MPRIP: variants seen among roughly 807,000 people sequenced by gnomAD.
MPRIP encodes the protein myosin phosphatase Rho interacting protein, also known as myosin phosphatase Rho-interacting protein.
MPRIP carries 59 observed loss-of-function variants against 234.9 expected under a neutral mutation model. The observed-to-expected ratio is 0.25, with a 90% CI of 0.20 to 0.31. MPRIP has a LOEUF of 0.31. Among genes scored for constraint, MPRIP ranks in the 10% least tolerant of loss-of-function variants. The pLI, the probability that MPRIP is intolerant of heterozygous loss-of-function variation, is 1.00. For synonymous variants in MPRIP, 1,144 were observed against 1,263.9 expected (o/e 0.91, Z 2.01); for missense variants, 2,436 against 3,071.0 (o/e 0.79, Z 4.89).
intron 2 of MPRIP, 62 bp downstream of exon 2, chr17:17,075,849 C>A: frequency 6.7e-7 from 1 of 1,501,126 alleles, no homozygotes; most frequent in Non-Finnish European, 9.3e-7. Flanking sequence ...TAAGGGTGAA[C>A]TGGCAGAGTG....
At chr17:17,085,260 C>G (rs1039615049) in intron 3 of MPRIP, among the ~76,000 whole-genome samples, 10 of 152,176 alleles carry the variant, frequency 6.6e-5, no homozygotes, top group Non-Finnish European at 1.3e-4. Flanking sequence ...CTTTCCTCCT[C>G]TGCTCAGCTG....
At chr17:17,066,787 T>C (rs1320377685) in intron 1 of MPRIP, among the ~76,000 whole-genome samples, 5 of 134,728 alleles carry the variant, frequency 3.7e-5, no homozygotes, top group Non-Finnish European at 7.7e-5. Context: ...TGTCTTGCCC[T>C]GCCCTGTTGC....
chr17:17,078,800 G>T lies in MPRIP; in HGVS notation c.267+724G>T, dbSNP rs2089395402. Among the ~76,000 whole-genome samples the T allele has an allele frequency of 6.6e-6, 1 of 152,188 alleles. No individual in the cohort carries two copies. The highest frequency in any genetic ancestry group is 2.1e-4 in the South Asian group (1 of 4,828). On this transcript the variant is annotated intron_variant, in intron 3 of 23. Coordinates refer to ENST00000651222, the MANE Select transcript of MPRIP (RefSeq NM_001364716.4). This position sits in a 1 kb window ranked among gnomAD's most constrained non-coding sequence, Gnocchi z 4.3. ...ATTAGTCTCTCCTAATTAATCTAAA[G>T]TAGGACTGCATTCCAAACTTTGTAA...
intron 12 of MPRIP, 52 bp downstream of exon 12, chr17:17,150,285 G>A (rs1474060337): frequency 2.1e-5 from 29 of 1,377,732 alleles, no homozygotes; most frequent in Non-Finnish European, 2.9e-5. Flanking sequence ...AGGGATGCAT[G>A]TCAGAGTGCC....
intron 1 of MPRIP, among the ~76,000 whole-genome samples, chr17:17,063,835 C>T (rs562193917): frequency 2.0e-5 from 3 of 152,338 alleles, no homozygotes; most frequent in Non-Finnish European, 2.9e-5. Context: ...ACGTCTGAGA[C>T]GCATCAGTGG....
intron 3 of MPRIP, among the ~76,000 whole-genome samples, chr17:17,083,061 G>A (rs925814299): frequency 3.9e-5 from 6 of 152,218 alleles, no homozygotes; most frequent in Non-Finnish European, 7.3e-5. Context: ...GCTGAGGGCC[G>A]GCCTCCATGG....
In MPRIP at chr17:17,175,814, A is replaced by G. The variant is rs115083956; in HGVS notation, c.6870+402A>G. Among the ~76,000 whole-genome samples, 47 of 152,260 alleles carry G rather than the reference A, an allele frequency of 3.1e-4. 1 individual carries two copies. Among genetic ancestry groups the G allele is most frequent in the Non-Finnish European group, 5.9e-4 (40 of 68,046 alleles). On this transcript the variant is annotated intron_variant, in intron 20 of 23. Coordinates refer to ENST00000651222, the MANE Select transcript of MPRIP (RefSeq NM_001364716.4). ...AGGGTGTCCTTTTAGGAAGGCACTT[A>G]GATTTCTCCACATTCAATTAAAATT... is the stretch of plus-strand genomic sequence containing the variant.
At chr17:17,140,116 G>A (rs2090782152) in intron 7 of MPRIP, among the ~76,000 whole-genome samples, 2 of 152,192 alleles carry the variant, frequency 1.3e-5, no homozygotes, top group African/African-American at 4.8e-5. Flanking sequence ...CTAGAGAGAG[G>A]AGGAGGCCAG....
chr17:17,179,042 G>T (rs989710441), intron 22 of MPRIP, among the ~76,000 whole-genome samples: 1 of 152,218 alleles, frequency 6.6e-6, no homozygotes, highest in Non-Finnish European at 1.5e-5. Context: ...GAGGGCGGGC[G>T]TGGTGGCACC....
In MPRIP at chr17:17,185,421, A is replaced by G. The variant is rs879299997; in HGVS notation, c.*527A>G. The G allele has an allele frequency of 6.8e-6, 3 of 440,894 alleles. No homozygotes were observed. The highest frequency in any genetic ancestry group is 2.0e-5 in the African/African-American group (1 of 49,702). The allele number at this position is 440,894 out of a possible 1,614,324, so 27.3% of individuals were successfully genotyped here. On this transcript the variant is annotated 3_prime_UTR_variant, in exon 24 of 24. Coordinates refer to ENST00000651222, the MANE Select transcript of MPRIP (RefSeq NM_001364716.4). ...GTGCACTGCCTTCCAGCCCAGGAGGAGGACAGCATTTTGTATTTGTTCCAC... is the reference window on the plus strand; with the variant it reads ...GTGCACTGCCTTCCAGCCCAGGAGGGGGACAGCATTTTGTATTTGTTCCAC...
At chr17:17,182,246 C>G (rs2046387875) in intron 23 of MPRIP, 1 of 152,190 alleles carries the variant, frequency 6.6e-6, no homozygotes, top group African/African-American at 2.4e-5. Flanking sequence ...GATGTGGCAT[C>G]TGATGTGCAC....
At position 17,184,867 on chromosome 17, in the gene MPRIP, T is replaced by C. The variant is rs200807995; in HGVS notation, c.7251T>C (p.Phe2417=). The C allele has an allele frequency of 1.2e-6, 2 of 1,612,988 alleles. No individual in the cohort carries two copies. Among genetic ancestry groups the C allele is most frequent in the Admixed American group, 3.3e-5 (2 of 59,974 alleles). ...CGGTGCAAGAACGGTTGAAGCTCTTTGAATCCAGGGACTTGAAGAAAGACT... is the reference window on the plus strand; with the variant it reads ...CGGTGCAAGAACGGTTGAAGCTCTTCGAATCCAGGGACTTGAAGAAAGACT... ...GLTVQERLKL[F]ESRDLKKD Residue 2417 remains phenylalanine (F), a synonymous_variant, in exon 24 of 24, where the codon TTT becomes TTC. Coordinates refer to ENST00000651222, the MANE Select transcript of MPRIP (RefSeq NM_001364716.4).
At chr17:17,044,950 C>G (rs2088297110) in intron 1 of MPRIP, among the ~76,000 whole-genome samples, 1 of 152,152 alleles carries the variant, frequency 6.6e-6, no homozygotes, top group African/African-American at 2.4e-5. Flanking sequence ...TGGGATCTTT[C>G]AGGAAGAAAC....
At chr17:17,050,423 G>A (rs1003008202) in intron 1 of MPRIP, among the ~76,000 whole-genome samples, 4 of 151,716 alleles carry the variant, frequency 2.6e-5, no homozygotes, top group East Asian at 1.9e-4. Flanking sequence ...TATGACGTGC[G>A]CATTTTACGT....
intron 5 of MPRIP, 81 bp downstream of exon 5, chr17:17,131,782 G>T: frequency 7.7e-7 from 1 of 1,305,498 alleles, no homozygotes; most frequent in Admixed American, 1.8e-5. Context: ...GAGGTTAGAG[G>T]GTGAGGACAC....
intron 22 of MPRIP, among the ~76,000 whole-genome samples, chr17:17,177,737 G>A (rs950678735): frequency 5.3e-5 from 8 of 152,144 alleles, no homozygotes; most frequent in African/African-American, 1.9e-4. Context: ...CTTGATCCTA[G>A]GATTTGACTA....
chr17:17,115,536 A>G (rs149856040), intron 3 of MPRIP, among the ~76,000 whole-genome samples: 56 of 152,236 alleles, frequency 3.7e-4, no homozygotes, highest in African/African-American at 1.3e-3. Flanking sequence ...TTATCTGTGC[A>G]GTGTTCTGTT....
At chr17:17,172,403 G>A (rs2046158615) in intron 17 of MPRIP, among the ~76,000 whole-genome samples, 1 of 152,210 alleles carries the variant, frequency 6.6e-6, no homozygotes, top group African/African-American at 2.4e-5. Flanking sequence ...ATAAACTCAT[G>A]TTGGAATTTA....
At chr17:17,140,438 C>A (rs1277293165) in intron 7 of MPRIP, among the ~76,000 whole-genome samples, 2 of 152,180 alleles carry the variant, frequency 1.3e-5, no homozygotes, top group Admixed American at 6.5e-5. Flanking sequence ...TTTCTCCTGA[C>A]CCTGGTGACA....
Sources: allele counts gnomAD v4.1 joint callset (sites outside exome capture counted in the v4.1 genomes callset), GRCh38; gene constraint gnomAD v4.1.1; non-coding constraint Gnocchi (gnomAD v3.1); transcripts MANE v1.5; gene names NCBI Gene and HGNC (gene_info 2026-07-23, HGNC 2026-07-21).